The following COL12A1 variants were observed in gnomAD, a reference collection of about 807,000 sequenced individuals.
COL12A1 encodes collagen alpha-1(XII) chain.
COL12A1 carries 114 observed loss-of-function variants against 349.7 expected under a neutral mutation model. That is an observed-to-expected ratio of 0.33 (90% CI 0.28 to 0.38). The LOEUF (loss-of-function observed/expected upper bound fraction) is 0.38, where lower values mean the gene tolerates loss of function less well. Ranked by LOEUF, COL12A1 falls within the 10% of genes least tolerant of loss-of-function variation. COL12A1 has a pLI of 1.00. For missense variants in COL12A1, 3,284 were observed against 3,756.9 expected (o/e 0.87, Z 3.29); for synonymous variants, 1,369 against 1,329.0 (o/e 1.03, Z -0.66).
chr6:75,193,668 T>G (rs527844058), intron 3 of COL12A1, among the ~76,000 whole-genome samples: 60 of 152,326 alleles, frequency 3.9e-4, no homozygotes, highest in African/African-American at 1.4e-3. Flanking sequence ...GCCATGTTGG[T>G]GTGCTGCACC....
In COL12A1 at chr6:75,179,131, G is replaced by A. The variant is rs118006120; in HGVS notation, c.2165-1196C>T. On this transcript the variant is annotated intron_variant, in intron 11 of 65. Transcript: ENST00000322507. ...GCCCCTGACACATAGCAGGAGCTCT[G>A]TAATTGTTAGCTTAATGAAAGTATT... is the stretch of plus-strand genomic sequence containing the variant. Among the ~76,000 whole-genome samples the A allele has an allele frequency of 9.8e-5, 15 of 152,300 alleles. No individual in the cohort carries two copies. The East Asian group carries it at 2.7e-3, about 27-fold the overall frequency.
chr6:75,142,101 A>C lies in COL12A1; in HGVS notation c.4888T>G (p.Tyr1630Asp), dbSNP rs759038011. 1 of 1,614,154 alleles carries C rather than the reference A, an allele frequency of 6.2e-7. No individual in the cohort carries two copies. Among genetic ancestry groups the C allele is most frequent in the Non-Finnish European group, 8.5e-7 (1 of 1,179,998 alleles). Residue 1630 changes from tyrosine to aspartate, a missense_variant, in exon 27 of 66, where the codon TAC (tyrosine) becomes GAC (aspartate). Physicochemically the swap from Tyr to Asp is radical, Grantham distance 160. Around this residue, in one of 2 missense-constraint regions of COL12A1, gnomAD observed 2,601 missense variants for 2,824.8 expected, o/e 0.92. Coordinates refer to ENST00000322507, the MANE Select transcript of COL12A1 (RefSeq NM_004370.6). ...SLKDLFSQTL[Y>D]TVSVSAVHDE... ...TGTACTGCAGAAACGCTGACTGTGT[A>C]CAAGGTCTGTGAGAAGAGGTCTTTG... is the stretch of plus-strand genomic sequence containing the variant.
intron 52 of COL12A1, among the ~76,000 whole-genome samples, chr6:75,108,250 G>T (rs1562128209): frequency 2.1e-5 from 3 of 146,080 alleles, no homozygotes; most frequent in East Asian, 2.0e-4. Context: ...CAGCTGATTG[G>T]TTTTTTTTTT....
chr6:75,089,051 G>C (rs1195924928), intron 64 of COL12A1, 55 bp downstream of exon 64: 1 of 1,230,142 alleles, frequency 8.1e-7, no homozygotes, highest in Non-Finnish European at 1.2e-6. Context: ...CTTCGGGATG[G>C]TGTGCCCTCT....
intron 64 of COL12A1, among the ~76,000 whole-genome samples, chr6:75,088,410 ACT>A (rs1419822106): frequency 6.6e-6 from 1 of 151,672 alleles, no homozygotes; most frequent in East Asian, 1.9e-4. Flanking sequence ...CATATTGAAG[ACT>A]ACTGGAAAAA....
At chr6:75,174,390 A>G (rs1441967644) in intron 13 of COL12A1, among the ~76,000 whole-genome samples, 2 of 152,168 alleles carry the variant, frequency 1.3e-5, no homozygotes, top group East Asian at 1.9e-4. Flanking sequence ...CCCCGTCCCT[A>G]CTAAAAATAC....
intron 27 of COL12A1, among the ~76,000 whole-genome samples, chr6:75,140,053 C>T (rs949508032): frequency 2.0e-5 from 3 of 152,080 alleles, no homozygotes; most frequent in Admixed American, 6.5e-5. Context: ...TAAGAATGTA[C>T]TTTAAATGTA....
chr6:75,093,767 ATTG>A (rs1437177041), intron 60 of COL12A1, among the ~76,000 whole-genome samples: 1 of 152,168 alleles, frequency 6.6e-6, no homozygotes, highest in Middle Eastern at 3.4e-3. Flanking sequence ...AGATTGTCCT[ATTG>A]TTCATGATTT....
chr6:75,102,168 A>T, intron 56 of COL12A1, 116 bp from the exon 57 acceptor site: 1 of 952,926 alleles, frequency 1.0e-6, no homozygotes, highest in South Asian at 1.5e-5. Flanking sequence ...GTAAGCGTTC[A>T]GAATGAGCAC....
chr6:75,201,863 AC>A (rs200350164), intron 2 of COL12A1, among the ~76,000 whole-genome samples: 2,341 of 152,236 alleles, frequency 0.015, 59 homozygotes, highest in African/African-American at 0.053. Context: ...GAGGGGCCAC[AC>A]GGCGCCGTTT....
chr6:75,087,589 G>A lies in COL12A1; in HGVS notation c.9169C>T (p.Gln3057Ter), dbSNP rs1002433115. Residue 3057 changes from glutamine to a stop codon, truncating the protein, a stop_gained, in exon 65 of 66, where the codon CAA (glutamine) becomes TAA (stop). Transcript: ENST00000322507. LOFTEE classifies it high-confidence loss of function. Reference sequence around the variant, plus strand: ...GGCAACAACGTACCTGGATAGCCTTGCCCGTTGTATGGGATGCTGGCACAC... The same window carrying A: ...GGCAACAACGTACCTGGATAGCCTTACCCGTTGTATGGGATGCTGGCACAC... Reference protein sequence around the residue: ...SQCASIPYNGQGYPGSG With the variant: ...SQCASIPYNG 4.3e-6 allele frequency: 7 copies of A among 1,613,838 alleles called. No homozygotes were observed. The highest frequency in any genetic ancestry group is 5.9e-6 in the Non-Finnish European group (7 of 1,179,868).
chr6:75,149,802 A>G (rs1313135271), intron 21 of COL12A1, among the ~76,000 whole-genome samples: 1 of 152,122 alleles, frequency 6.6e-6, no homozygotes, highest in African/African-American at 2.4e-5. Flanking sequence ...TGTCTGGGAA[A>G]CTAGAATGAA....
intron 30 of COL12A1, 77 bp downstream of exon 30, chr6:75,138,243 G>C (rs1345411609): frequency 1.5e-6 from 2 of 1,375,430 alleles, no homozygotes; most frequent in Non-Finnish European, 2.0e-6. Flanking sequence ...TATTTATTAT[G>C]TATCTTATGG....
At chr6:75,154,957 T>G (rs1767680131) in intron 16 of COL12A1, among the ~76,000 whole-genome samples, 1 of 152,206 alleles carries the variant, frequency 6.6e-6, no homozygotes, top group Admixed American at 6.5e-5. Context: ...GCCTGACACA[T>G]AGTAAGCTCA....
At chr6:75,103,410 A>T (rs1300857409) in intron 55 of COL12A1, among the ~76,000 whole-genome samples, 1 of 152,176 alleles carries the variant, frequency 6.6e-6, no homozygotes, top group Non-Finnish European at 1.5e-5. Flanking sequence ...AAAAAGCAGC[A>T]GCAGTAGTGC....
intron 43 of COL12A1, 71 bp downstream of exon 43, chr6:75,123,259 C>G (rs1765834569): frequency 8.2e-7 from 1 of 1,215,526 alleles, no homozygotes; most frequent in Non-Finnish European, 1.2e-6. Context: ...GTAAATGATG[C>G]ACATGCAGCG....
chr6:75,146,232 A>ACAG lies in COL12A1; in HGVS notation c.4427_4429dup (p.Pro1476_Val1477insAla). On this transcript the variant is annotated inframe_insertion, in exon 24 of 66. Transcript: ENST00000322507. ...AACATCATAAATATTCAGGCTGACT[A>ACAG]CAGGCACTGGCACTTCCAAAACAGA... 1 of 1,604,260 alleles carries ACAG rather than the reference A, an allele frequency of 6.2e-7. No individual in the cohort carries two copies. The highest frequency in any genetic ancestry group is 8.5e-7 in the Non-Finnish European group (1 of 1,176,606).
intron 8 of COL12A1, among the ~76,000 whole-genome samples, chr6:75,185,483 G>A (rs1769563366): frequency 6.6e-6 from 1 of 151,982 alleles, no homozygotes; most frequent in African/African-American, 2.4e-5. Context: ...AGATGACAAT[G>A]GAAAAACATT....
chr6:75,190,936 A>G (rs1192348535), intron 5 of COL12A1, among the ~76,000 whole-genome samples: 2 of 151,918 alleles, frequency 1.3e-5, no homozygotes, highest in Non-Finnish European at 2.9e-5. Context: ...TCTGGAGGGG[A>G]TACTTCCAGA....
Sources: gnomAD v4.1 joint callset for allele counts (sites outside exome capture counted in the v4.1 genomes callset) on GRCh38, gnomAD v4.1.1 for gene constraint, gnomAD v4.1.1 regional missense constraint, MANE v1.5 for transcripts, NCBI Gene and HGNC (gene_info 2026-07-23, HGNC 2026-07-21) for gene names.